CHERP: variants seen among roughly 807,000 people sequenced by gnomAD.
CHERP encodes the protein ERPROT 213-21.
CHERP carries 8 observed loss-of-function variants against 113.8 expected under a neutral mutation model. That is an observed-to-expected ratio of 0.07 (90% confidence interval 0.04 to 0.13). CHERP has a LOEUF of 0.13. CHERP is among the 10% of genes least tolerant of loss of function. The pLI is 1.00. For synonymous variants in CHERP, 559 were observed against 524.5 expected (o/e 1.07, Z -0.90); for missense variants, 884 against 1,298.2 (o/e 0.68, Z 4.90).
At chr19:16,539,031 C>A (rs949055693) in intron 2 of CHERP, among the ~76,000 whole-genome samples, 1 of 152,122 alleles carries the variant, frequency 6.6e-6, no homozygotes, top group Non-Finnish European at 1.5e-5. Context: ...CCCCTGCAGG[C>A]CTCACTGCTC....
chr19:16,536,984 T>C (rs2122284268), intron 2 of CHERP, among the ~76,000 whole-genome samples: 1 of 152,208 alleles, frequency 6.6e-6, no homozygotes, highest in East Asian at 1.9e-4. Context: ...TGCACTCCAG[T>C]GTGGGTGACA....
chr19:16,528,992 T>A (rs1461367693), intron 8 of CHERP, among the ~76,000 whole-genome samples: 1 of 152,226 alleles, frequency 6.6e-6, no homozygotes. Flanking sequence ...TAGATTCTGC[T>A]AAGATTTCCT....
chr19:16,532,821 C>A lies in CHERP; in HGVS notation c.523-72G>T. ...CAGGCACCCACTGCATCCCTGAGAG[C>A]GCGTCACCATCAGCTCAGGGAAGGA... On this transcript the variant is annotated intron_variant, in intron 4 of 16. Transcript: ENST00000546361. The surrounding 1 kb of genome is among the most constrained non-coding windows in gnomAD (Gnocchi z 4.4). The A allele has an allele frequency of 6.4e-7, 1 of 1,560,634 alleles. No individual in the cohort carries two copies. Among genetic ancestry groups the A allele is most frequent in the South Asian group, 1.2e-5 (1 of 83,188 alleles).
At position 16,520,507 on chromosome 19, in the gene CHERP, G is replaced by A. The variant is rs182864410; in HGVS notation, c.2202C>T (p.Ser734=). 42 of 1,611,322 alleles carry A rather than the reference G, an allele frequency of 2.6e-5. No individual in the cohort carries two copies. Among genetic ancestry groups the A allele is most frequent in the South Asian group, 8.8e-5 (8 of 90,604 alleles). Residue 734 remains serine (S), a splice_region_variant and synonymous_variant, in exon 14 of 17, where the codon AGC becomes AGT. Transcript: ENST00000546361. The surrounding 1 kb of genome is among the most constrained non-coding windows in gnomAD (Gnocchi z 4.0). ...RRRKGQEKRN[S]GPSRSRSRSK... ...ATCTGCTCCGAGACCTCGAGGGTCC[G>A]CTGTGGGGAGAGGCCTGATGATCAG...
rs1315077053 is a variant in CHERP, at chr19:16,518,386, G to A, written c.*773C>T. 2.0e-5 allele frequency: 3 copies of A among 152,226 alleles called. No individual in the cohort carries two copies. The East Asian group carries it at 5.8e-4, about 29-fold the overall frequency. The allele number at this position is 152,226 out of a possible 1,614,324, so 9.4% of individuals were successfully genotyped here. ...ACTCCGAGGCAGCGCTCAACCTGAA[G>A]TGTCTTAGGCTGGTTTCCTGTTAGA... On this transcript the variant is annotated 3_prime_UTR_variant, in exon 17 of 17. Coordinates refer to ENST00000546361, the MANE Select transcript of CHERP (RefSeq NM_006387.6).
intron 12 of CHERP, 177 bp from the exon 13 acceptor site, chr19:16,521,089 C>A: frequency 1.6e-6 from 1 of 637,450 alleles, no homozygotes; most frequent in Non-Finnish European, 2.8e-6. Context: ...TGTCCTCCTG[C>A]AGCCCAGTGG....
intron 2 of CHERP, among the ~76,000 whole-genome samples, chr19:16,538,556 G>A (rs1211155644): frequency 1.3e-5 from 2 of 152,172 alleles, no homozygotes; most frequent in Non-Finnish European, 2.9e-5. Context: ...GGTGGCGCAC[G>A]CCTGTAGTCC....
At chr19:16,542,072 G>C (rs536176824) in intron 1 of CHERP, 29 bp from the exon 2 acceptor site, 1 of 1,592,912 alleles carries the variant, frequency 6.3e-7, no homozygotes, top group South Asian at 1.1e-5. Flanking sequence ...GCCACGCGGG[G>C]CGTCAGCGAG....
In CHERP at chr19:16,525,782, C is replaced by T. The variant is rs2085654028; in HGVS notation, c.1306-105G>A. The T allele has an allele frequency of 2.6e-6, 3 of 1,143,664 alleles. No homozygotes were observed. Among genetic ancestry groups the T allele is most frequent in the Non-Finnish European group, 3.5e-6 (3 of 851,778 alleles). The allele number at this position is 1,143,664 out of a possible 1,614,324, so 70.8% of individuals were successfully genotyped here. ...ACAGCGCTGGCTCAGACCATGGAGG[C>T]GCTGCCCTGGCCACGTTGAGGCGCC... On this transcript the variant is annotated intron_variant, in intron 9 of 16. Transcript: ENST00000546361. This position sits in a 1 kb window ranked among gnomAD's most constrained non-coding sequence, Gnocchi z 6.5.
rs895376043 is a variant in CHERP, at chr19:16,531,010, G to A, written c.675-130C>T. 14 of 1,425,306 alleles carry A rather than the reference G, an allele frequency of 9.8e-6. No homozygotes were observed. In the Admixed American group the frequency reaches 2.1e-4, roughly 21 times the overall value. 88.3% of individuals were successfully genotyped at this position (1,425,306 alleles called of 1,614,324 possible). A position where few individuals can be genotyped will look rare whatever the true frequency, so the allele number is the denominator to read the frequency against. The stretch of plus-strand genomic sequence containing the variant: ...ATCGGGTCCCCAACCCGGTCAGGGC[G>A]ATGGCTGGGCTCCCACGAGACCTGT... On this transcript the variant is annotated intron_variant, in intron 5 of 16. Transcript: ENST00000546361.
chr19:16,542,385 G>A lies in CHERP; in HGVS notation c.-7C>T, dbSNP rs547903830. 1 of 1,363,594 alleles carries A rather than the reference G, an allele frequency of 7.3e-7. No individual in the cohort carries two copies. Among genetic ancestry groups the A allele is most frequent in the Non-Finnish European group, 9.5e-7 (1 of 1,050,516 alleles). 84.5% of individuals were successfully genotyped at this position (1,363,594 alleles called of 1,614,324 possible). On this transcript the variant is annotated 5_prime_UTR_variant, in exon 1 of 17. Coordinates refer to ENST00000546361, the MANE Select transcript of CHERP (RefSeq NM_006387.6). ...GGGGCAGCGGCATCTCCATGGCTCC[G>A]GCCGCGGGGAACGTCCTCCGGCGCC...
At position 16,523,754 on chromosome 19, in the gene CHERP, G is replaced by A. The variant is rs372462775; in HGVS notation, c.1742-464C>T. Among the ~76,000 whole-genome samples, 13 of 151,984 alleles carry A rather than the reference G, an allele frequency of 8.6e-5. No individual in the cohort carries two copies. In the East Asian group the frequency reaches 1.9e-3, roughly 23 times the overall value. On this transcript the variant is annotated intron_variant, in intron 10 of 16. Transcript: ENST00000546361. The surrounding 1 kb of genome is among the most constrained non-coding windows in gnomAD (Gnocchi z 4.0). ...GTAGAGAGAAGACGGTCACCTATGA[G>A]CCAAGGAGACAGGCCTCCAAGACAC...
At position 16,535,022 on chromosome 19, in the gene CHERP, G is replaced by T. The variant is rs1378091087; in HGVS notation, c.384+430C>A. 6.6e-6 allele frequency among the ~76,000 whole-genome samples: 1 copy of T among 151,982 alleles called. No homozygotes were observed. Among genetic ancestry groups the T allele is most frequent in the Non-Finnish European group, 1.5e-5 (1 of 67,964 alleles). On this transcript the variant is annotated intron_variant, in intron 3 of 16. Transcript: ENST00000546361. This position sits in a 1 kb window ranked among gnomAD's most constrained non-coding sequence, Gnocchi z 4.3. ...ACTCGGGAGGTAGGGGCTGCAGTGA[G>T]CTGAGATCACGCCTCTGCACTCCAG...
rs752907994 is a variant in CHERP at position 16,535,262 on chromosome 19, CTGAGA to C, written c.384+185_384+189del. Among the ~76,000 whole-genome samples the C allele has an allele frequency of 8.5e-5, 13 of 152,246 alleles. No homozygotes were observed. The highest frequency in any genetic ancestry group is 6.5e-5 in the Admixed American group (1 of 15,288). The stretch of plus-strand genomic sequence containing the variant: ...GGTGCACGCACGTCCAGTGGCTTCA[CTGAGA>C]TGAGAAGCAGCCTCTGTGTCTGGCA... On this transcript the variant is annotated intron_variant, in intron 3 of 16. Transcript: ENST00000546361. The surrounding 1 kb of genome is among the most constrained non-coding windows in gnomAD (Gnocchi z 4.3).
Position 16,519,437 on chromosome 19 carries a change from T to C in CHERP, c.2558-85A>G, listed in dbSNP as rs1028500976. On this transcript the variant is annotated intron_variant, in intron 16 of 16. Coordinates refer to ENST00000546361, the MANE Select transcript of CHERP (RefSeq NM_006387.6). This position sits in a 1 kb window ranked among gnomAD's most constrained non-coding sequence, Gnocchi z 6.0. ...GGGGGCTGAATGTCCAGACAGGCAGTGTAGACATGGGAAATGGGTAGAGAG... is the reference window on the plus strand; with the variant it reads ...GGGGGCTGAATGTCCAGACAGGCAGCGTAGACATGGGAAATGGGTAGAGAG... 9.7e-6 allele frequency: 14 copies of C among 1,437,644 alleles called. No individual in the cohort carries two copies. Among genetic ancestry groups the C allele is most frequent in the African/African-American group, 1.4e-5 (1 of 70,740 alleles). The allele number at this position is 1,437,644 out of a possible 1,614,324, so 89.1% of individuals were successfully genotyped here. A position where few individuals can be genotyped will look rare whatever the true frequency, so the allele number is the denominator to read the frequency against.
chr19:16,532,779 C>A lies in CHERP; in HGVS notation c.523-30G>T. 2 of 1,588,572 alleles carry A rather than the reference C, an allele frequency of 1.3e-6. No homozygotes were observed. The highest frequency in any genetic ancestry group is 1.7e-6 in the Non-Finnish European group (2 of 1,163,194). On this transcript the variant is annotated intron_variant, in intron 4 of 16. Transcript: ENST00000546361. This position sits in a 1 kb window ranked among gnomAD's most constrained non-coding sequence, Gnocchi z 4.4. ...AACAACCGAGCCAATGACGAGTGAG[C>A]AGGGCCGCGGCTCCCCCAGGCACCC...
chr19:16,530,538 A>T lies in CHERP; in HGVS notation c.876+47T>A. On this transcript the variant is annotated intron_variant, in intron 7 of 16. Coordinates refer to ENST00000546361, the MANE Select transcript of CHERP (RefSeq NM_006387.6). The surrounding 1 kb of genome is among the most constrained non-coding windows in gnomAD (Gnocchi z 4.1). ...CCACACTCCCAAACCCTCCTGGGGA[A>T]CCCGCCCCAGCTCTAGGGTGAGGTG... 1 of 1,577,048 alleles carries T rather than the reference A, an allele frequency of 6.3e-7. No homozygotes were observed. Among genetic ancestry groups the T allele is most frequent in the African/African-American group, 1.3e-5 (1 of 74,250 alleles).
intron 10 of CHERP, among the ~76,000 whole-genome samples, chr19:16,524,448 C>T (rs926627847): frequency 6.6e-6 from 1 of 150,918 alleles, no homozygotes; most frequent in Non-Finnish European, 1.5e-5. Context: ...CCCAGCTACT[C>T]GGGAGGCTGA....
Position 16,532,872 on chromosome 19 carries a change from G to C in CHERP, c.523-123C>G. On this transcript the variant is annotated intron_variant, in intron 4 of 16. Transcript: ENST00000546361. This position sits in a 1 kb window ranked among gnomAD's most constrained non-coding sequence, Gnocchi z 4.4. ...CACACCATGAGCGTGGGGGGCACAG[G>C]GTCCCACAGCCTCAGGAGCTCCAGG... 1 of 1,523,994 alleles carries C rather than the reference G, an allele frequency of 6.6e-7. No individual in the cohort carries two copies. 94.4% of individuals were successfully genotyped at this position (1,523,994 alleles called of 1,614,324 possible). A position where few individuals can be genotyped will look rare whatever the true frequency, so the allele number is the denominator to read the frequency against.
Sources: allele counts gnomAD v4.1 joint callset (sites outside exome capture counted in the v4.1 genomes callset), GRCh38; gene constraint gnomAD v4.1.1; non-coding constraint Gnocchi (gnomAD v3.1); transcripts MANE v1.5; gene names NCBI Gene and HGNC (gene_info 2026-07-23, HGNC 2026-07-21).